Variants in SHD observed in about 807,000 individuals in gnomAD.
The protein encoded by SHD is Src homology 2 domain containing transforming protein D, also known as SH2 domain-containing adapter protein D.
SHD carries 29 observed loss-of-function variants against 31.2 expected under a neutral mutation model. The ratio of observed to expected loss-of-function variants is 0.93; its 90% CI spans 0.69 to 1.27. The LOEUF is 1.27. Among genes scored for constraint, SHD ranks in the 50% most tolerant of loss-of-function variants. SHD has a pLI of 0.00. For missense variants in SHD, 520 were observed against 453.8 expected, an observed-to-expected ratio of 1.15 and a Z score of -1.33; for synonymous variants, 208 against 187.8, an observed-to-expected ratio of 1.11 and a Z score of -0.88.
chr19:4,289,503 C>T (rs1971354516), intron 5 of SHD, among the ~76,000 whole-genome samples: 4 of 151,948 alleles, frequency 2.6e-5, no homozygotes, highest in Admixed American at 2.6e-4. Flanking sequence ...GACTCGGCCT[C>T]CCAAAGTGCT....
chr19:4,289,773 G>A (rs1280956241), intron 5 of SHD, among the ~76,000 whole-genome samples: 3 of 150,934 alleles, frequency 2.0e-5, no homozygotes, highest in Non-Finnish European at 2.9e-5. Context: ...GGGTTTCACC[G>A]TGTTAGCCAG....
At position 4,279,652 on chromosome 19, in the gene SHD, C is replaced by A; in HGVS notation, c.-412C>A. ...GTGGCGCTGGCCCGGATCTCCCGAC[C>A]CCAGGAAGGGATCCCGGAGCTTCCT... On this transcript the variant is annotated 5_prime_UTR_variant, in exon 1 of 6. Coordinates refer to ENST00000543264, the MANE Select transcript of SHD (RefSeq NM_020209.4). The surrounding 1 kb of genome is among the most constrained non-coding windows in gnomAD (Gnocchi z 7.5). 6.0e-6 allele frequency: 1 copy of A among 166,002 alleles called. No individual in the cohort carries two copies. The highest frequency in any genetic ancestry group is 1.3e-5 in the Non-Finnish European group (1 of 77,950). 10.3% of individuals were successfully genotyped at this position (166,002 alleles called of 1,614,324 possible).
chr19:4,288,440 G>A, intron 5 of SHD, 78 bp downstream of exon 5: 1 of 1,484,638 alleles, frequency 6.7e-7, no homozygotes, highest in Non-Finnish European at 9.0e-7. Context: ...AGAGGGAAGG[G>A]GAGGGTGTGG....
chr19:4,280,577 A>G (rs8108982), intron 1 of SHD, among the ~76,000 whole-genome samples: 5,809 of 152,090 alleles, frequency 0.038, 356 homozygotes, highest in African/African-American at 0.13. Flanking sequence ...CCCAGGCTGG[A>G]GTGCAGTGGT....
At chr19:4,286,283 T>TC (rs1971315836) in intron 4 of SHD, among the ~76,000 whole-genome samples, 1 of 89,290 alleles carries the variant, frequency 1.1e-5, no homozygotes, top group Non-Finnish European at 2.3e-5. Flanking sequence ...TTCTTTCTTT[T>TC]TTTCTTTCCT....
Position 4,290,566 on chromosome 19 carries a change from G to A in SHD, c.956G>A (p.Arg319His), listed in dbSNP as rs745563145. ...GAGCTCGTCCTCCACTACAGTTCAC[G>A]CCCACTGCCGGTGCAGGGTGCCGAG... ...VPELVLHYSSRPLPVQGAEHL... is the reference protein window; with the variant it reads ...VPELVLHYSSHPLPVQGAEHL... Residue 319 changes from arginine to histidine, a missense_variant, in exon 6 of 6, where the codon CGC becomes CAC. Physicochemically the swap from Arg to His is conservative, Grantham distance 29 (BLOSUM62 0). Coordinates refer to ENST00000543264, the MANE Select transcript of SHD (RefSeq NM_020209.4). 1.1e-5 allele frequency: 17 copies of A among 1,613,518 alleles called. No homozygotes were observed. The highest frequency in any genetic ancestry group is 2.7e-5 in the African/African-American group (2 of 74,902).
At chr19:4,285,264 A>G (rs1971297038) in intron 4 of SHD, among the ~76,000 whole-genome samples, 2 of 152,280 alleles carry the variant, frequency 1.3e-5, no homozygotes, top group South Asian at 4.1e-4. Flanking sequence ...TTACAGCCTC[A>G]GAGCCAAGAG....
Position 4,290,602 on chromosome 19 carries a change from T to G in SHD, c.992T>G (p.Leu331Arg). 3 of 1,612,456 alleles carry G rather than the reference T, an allele frequency of 1.9e-6. No individual in the cohort carries two copies. Among genetic ancestry groups the G allele is most frequent in the Non-Finnish European group, 2.5e-6 (3 of 1,179,236 alleles). The change falls in exon 6 of 6, where the codon CTG (leucine) becomes CGG (arginine). Residue 331 changes from leucine to arginine, a missense_variant. Physicochemically the swap from Leu to Arg is moderately radical, Grantham distance 102. Transcript: ENST00000543264. ...GTGCAGGGTGCCGAGCATCTGGCTC[T>G]GCTGTACCCCGTGGTCACGCAGACC... The part of the protein sequence containing the change: ...LPVQGAEHLA[L>R]LYPVVTQTP
intron 4 of SHD, among the ~76,000 whole-genome samples, chr19:4,285,465 C>T (rs1248952555): frequency 1.3e-5 from 2 of 152,092 alleles, no homozygotes; most frequent in African/African-American, 4.8e-5. Flanking sequence ...TCACAGTCAC[C>T]CCTAAAATCT....
chr19:4,283,957 T>C (rs1568368780), intron 3 of SHD, among the ~76,000 whole-genome samples: 1 of 152,060 alleles, frequency 6.6e-6, no homozygotes, highest in Non-Finnish European at 1.5e-5. Flanking sequence ...GAGAAGCCTC[T>C]GAACCTTAGT....
intron 5 of SHD, 75 bp downstream of exon 5, chr19:4,288,437 A>C: frequency 7.4e-7 from 1 of 1,359,064 alleles, no homozygotes; most frequent in Non-Finnish European, 9.8e-7. Flanking sequence ...TTCAGAGGGA[A>C]GGGGAGGGTG....
intron 5 of SHD, 65 bp downstream of exon 5, chr19:4,288,427 T>G (rs1971343184): frequency 6.5e-7 from 1 of 1,526,968 alleles, no homozygotes; most frequent in African/African-American, 1.4e-5. Context: ...TTTGGGTTAA[T>G]TCAGAGGGAA....
intron 3 of SHD, chr19:4,284,538 C>A (rs544355739): frequency 5.8e-6 from 2 of 344,166 alleles, no homozygotes; most frequent in Non-Finnish European, 1.0e-5. Flanking sequence ...GAACCGACCC[C>A]GTCTAGCCAC....
Position 4,280,294 on chromosome 19 carries a change from GC to G in SHD, c.232del (p.Leu78SerfsTer30). Reference protein sequence around the residue: ...DAKYGSPKHRLIKVEAADMAR... With the variant: ...DAKYGSPKHRXIKVEAADMAR... ...CCAAGTATGGTTCTCCCAAGCACCGGCTCATCAAGGTGGAGGCTGCGGATAT... is the reference window on the plus strand; with the variant it reads ...CCAAGTATGGTTCTCCCAAGCACCGGTCATCAAGGTGGAGGCTGCGGATAT... On this transcript the variant is annotated frameshift_variant, in exon 1 of 6. Coordinates refer to ENST00000543264, the MANE Select transcript of SHD (RefSeq NM_020209.4). LOFTEE classifies it high-confidence loss of function. 1 of 1,610,548 alleles carries G rather than the reference GC, an allele frequency of 6.2e-7. No individual in the cohort carries two copies.
intron 2 of SHD, 26 bp from the exon 3 acceptor site, chr19:4,283,028 G>A: frequency 6.2e-7 from 1 of 1,613,894 alleles, no homozygotes; most frequent in South Asian, 1.1e-5. Context: ...GGGAGCAGGA[G>A]CTGAACAGTG....
At chr19:4,283,829 C>T (rs12974433) in intron 3 of SHD, among the ~76,000 whole-genome samples, 1 of 151,062 alleles carries the variant, frequency 6.6e-6, no homozygotes, top group African/African-American at 2.4e-5. Flanking sequence ...CCACCCGCCT[C>T]GGCCTCCCAA....
At chr19:4,284,229 A>T (rs1437132431) in intron 3 of SHD, among the ~76,000 whole-genome samples, 1 of 152,038 alleles carries the variant, frequency 6.6e-6, no homozygotes, top group East Asian at 1.9e-4. Flanking sequence ...TTGAACCTGG[A>T]GGCGGAGGTT....
At chr19:4,286,259 CTCTCTTTCTTTCTTTCTTTCTTTTT>C (rs1568369410) in intron 4 of SHD, among the ~76,000 whole-genome samples, 7 of 115,312 alleles carry the variant, frequency 6.1e-5, no homozygotes, top group Admixed American at 1.8e-4. Flanking sequence ...TTCTTTCTTT[CTCTCTTTCTTTCTTTCTTTCTTTTT>C]TTCTTTCCTT....
At chr19:4,280,630 C>T (rs1335505685) in intron 1 of SHD, among the ~76,000 whole-genome samples, 1 of 151,922 alleles carries the variant, frequency 6.6e-6, no homozygotes, top group Non-Finnish European at 1.5e-5. Context: ...GGGGTTCAAG[C>T]GATTCTCCTG....
Sources: gnomAD v4.1 joint callset for allele counts (sites outside exome capture counted in the v4.1 genomes callset) on GRCh38, gnomAD v4.1.1 for gene constraint, Gnocchi (gnomAD v3.1) non-coding constraint, MANE v1.5 for transcripts, NCBI Gene and HGNC (gene_info 2026-07-23, HGNC 2026-07-21) for gene names.